Variants in CDCA2 observed in about 807,000 individuals in gnomAD.
CDCA2 encodes the protein cell division cycle associated 2.
Under a neutral mutation model 67.0 loss-of-function variants are expected in CDCA2, and 44 were observed. The observed-to-expected ratio is 0.66, with a 90% CI of 0.52 to 0.84. The LOEUF is 0.84. Among genes scored for constraint, CDCA2 ranks in the 40% least tolerant of loss-of-function variants. The probability of loss-of-function intolerance (pLI) is 0.00; values close to 1 mark genes in which losing one functional copy is unlikely to be tolerated. For missense variants in CDCA2, 1,253 were observed against 1,203.2 expected (o/e 1.04, Z -0.61); for synonymous variants, 447 against 418.7 (o/e 1.07, Z -0.82).
In CDCA2 at chr8:25,497,578, G is replaced by A. The variant is rs553976479; in HGVS notation, c.1672-5795G>A. ...CAGGGGGGCTAGTGGCTTGAGTGGT[G>A]GGGGATGAGGAGATGTTGGTTCAAG... On this transcript the variant is annotated intron_variant, in intron 13 of 14. Transcript: ENST00000330560. Among the ~76,000 whole-genome samples the A allele has an allele frequency of 2.0e-5, 3 of 150,988 alleles. No individual in the cohort carries two copies. In the South Asian group the frequency reaches 6.3e-4, roughly 32 times the overall value.
In CDCA2 at chr8:25,460,702, T is replaced by C. The variant is rs931257612; in HGVS notation, c.232+148T>C. 6.8e-6 allele frequency: 5 copies of C among 740,040 alleles called. No homozygotes were observed. In the African/African-American group the frequency reaches 8.9e-5, roughly 13 times the overall value. The allele number at this position is 740,040 out of a possible 1,614,324, so 45.8% of individuals were successfully genotyped here. A position where few individuals can be genotyped will look rare whatever the true frequency, so the allele number is the denominator to read the frequency against. On this transcript the variant is annotated intron_variant, in intron 3 of 14. Transcript: ENST00000330560. ...ACTTGCTTCTTCAGAGAGACTTCTT[T>C]GCACATGCACAGTTCATTTAGCATA... is the stretch of plus-strand genomic sequence containing the variant.
At chr8:25,470,057 A>T (rs1218827365) in intron 7 of CDCA2, 77 bp downstream of exon 7, 1 of 962,990 alleles carries the variant, frequency 1.0e-6, no homozygotes, top group African/African-American at 1.6e-5. Context: ...ATTTGCTAAA[A>T]TTTGGGGGAA....
At chr8:25,486,592 C>G (rs1803784955) in intron 11 of CDCA2, among the ~76,000 whole-genome samples, 1 of 150,418 alleles carries the variant, frequency 6.6e-6, no homozygotes, top group Non-Finnish European at 1.5e-5. Context: ...CACTTGAGGT[C>G]AGGAGTTCAA....
chr8:25,504,248 A>G (rs960445759), intron 14 of CDCA2, among the ~76,000 whole-genome samples: 1 of 152,028 alleles, frequency 6.6e-6, no homozygotes, highest in Non-Finnish European at 1.5e-5. Flanking sequence ...TCTAATGCCC[A>G]AATTTTAAAT....
intron 13 of CDCA2, among the ~76,000 whole-genome samples, chr8:25,498,162 G>C (rs1586525618): frequency 6.6e-6 from 1 of 152,226 alleles, no homozygotes; most frequent in East Asian, 1.9e-4. Flanking sequence ...GGAGATACTA[G>C]GGAAAATTGC....
chr8:25,486,825 A>G (rs890861097), intron 11 of CDCA2, among the ~76,000 whole-genome samples: 14 of 152,232 alleles, frequency 9.2e-5, no homozygotes, highest in African/African-American at 3.4e-4. Flanking sequence ...AAAAAAAACA[A>G]GTGGTCAAAA....
At chr8:25,500,069 C>T (rs1315223722) in intron 13 of CDCA2, among the ~76,000 whole-genome samples, 1 of 152,086 alleles carries the variant, frequency 6.6e-6, no homozygotes, top group Admixed American at 6.5e-5. Context: ...TCTCTTGGCC[C>T]ATGACCATGA....
intron 8 of CDCA2, among the ~76,000 whole-genome samples, chr8:25,481,961 A>C (rs537946039): frequency 7.7e-4 from 118 of 152,300 alleles, no homozygotes; most frequent in African/African-American, 2.7e-3. Context: ...TAATGTTCTT[A>C]GAATTGGATG....
intron 5 of CDCA2, among the ~76,000 whole-genome samples, chr8:25,466,902 C>T (rs1802921917): frequency 6.6e-6 from 1 of 151,958 alleles, no homozygotes; most frequent in South Asian, 2.1e-4. Flanking sequence ...ATTAGCCAGG[C>T]GTGGTGACAC....
At position 25,463,680 on chromosome 8, in the gene CDCA2, C is replaced by G. The variant is rs563985114; in HGVS notation, c.387+1472C>G. Among the ~76,000 whole-genome samples the G allele has an allele frequency of 3.4e-3, 511 of 152,218 alleles. 2 individuals are homozygous for G. Among genetic ancestry groups the G allele is most frequent in the Non-Finnish European group, 5.5e-3 (374 of 68,020 alleles). On this transcript the variant is annotated intron_variant, in intron 4 of 14. Transcript: ENST00000330560. ...TCCTACGTTCTCCCTAATCCATTGG[C>G]TATCCCACAGAGCAGTCAAGGAGAG...
Position 25,506,777 on chromosome 8 carries a change from C to T in CDCA2, c.2111C>T (p.Pro704Leu). 6.2e-7 allele frequency: 1 copy of T among 1,613,406 alleles called. No homozygotes were observed. The highest frequency in any genetic ancestry group is 1.3e-5 in the African/African-American group (1 of 74,896). Residue 704 changes from proline to leucine, a missense_variant, in exon 15 of 15, where the codon CCA becomes CTA. By Grantham distance (98) the Pro-to-Leu change is moderately conservative. Transcript: ENST00000330560. ...AATAAGTCAGAAAGTGAAAATGAACCAAAAGCTGGAACTGACAGTCCTGTT... is the reference window on the plus strand; with the variant it reads ...AATAAGTCAGAAAGTGAAAATGAACTAAAAGCTGGAACTGACAGTCCTGTT... ...AKNKSESENE[P>L]KAGTDSPVSC... is the part of the protein sequence containing the mutation.
rs1346661232 is a variant in CDCA2, at chr8:25,479,939, G to T, written c.847G>T (p.Gly283Cys). 1 of 1,614,120 alleles carries T rather than the reference G, an allele frequency of 6.2e-7. No homozygotes were observed. The highest frequency in any genetic ancestry group is 1.7e-5 in the Admixed American group (1 of 60,006). The change falls in exon 8 of 15, where the codon GGC (glycine) becomes TGC (cysteine). Residue 283 changes from glycine (G) to cysteine (C), a missense_variant. Transcript: ENST00000330560. ...ACTAAAGGTTGCTGACTGTGTAGTGGGCAAAGGATCAAGTGATGCCGTTTC... is the reference window on the plus strand; with the variant it reads ...ACTAAAGGTTGCTGACTGTGTAGTGTGCAAAGGATCAAGTGATGCCGTTTC... ...NALKVADCVV[G>C]KGSSDAVSPD...
intron 7 of CDCA2, among the ~76,000 whole-genome samples, chr8:25,475,462 T>C (rs1326939836): frequency 3.3e-5 from 5 of 152,178 alleles, no homozygotes; most frequent in Non-Finnish European, 7.3e-5. Flanking sequence ...GAGGTTGCAG[T>C]GAGCCGAGAT....
rs768860785 is a variant in CDCA2, at chr8:25,488,532, A to G, written c.1534-20A>G. 2.0e-5 allele frequency: 32 copies of G among 1,588,724 alleles called. No homozygotes were observed. The Middle Eastern group carries it at 5.0e-4, about 25-fold the overall frequency. On this transcript the variant is annotated intron_variant, in intron 12 of 14. Transcript: ENST00000330560. ...AATTGCTTGTGCTTTACGGTATCCT[A>G]CTTTACACTTTCTTTATAGCAATTG...
At chr8:25,464,074 T>C (rs964776249) in intron 4 of CDCA2, among the ~76,000 whole-genome samples, 3 of 152,218 alleles carry the variant, frequency 2.0e-5, no homozygotes, top group African/African-American at 7.2e-5. Flanking sequence ...ATAGCACCTC[T>C]TTTACCTGTA....
intron 4 of CDCA2, among the ~76,000 whole-genome samples, chr8:25,464,616 T>C (rs183594129): frequency 4.3e-4 from 65 of 152,338 alleles, no homozygotes; most frequent in African/African-American, 1.4e-3. Flanking sequence ...CAATTTTGAC[T>C]AGAGAAACTT....
At chr8:25,462,947 G>C (rs572704363) in intron 4 of CDCA2, among the ~76,000 whole-genome samples, 1 of 152,204 alleles carries the variant, frequency 6.6e-6, no homozygotes, top group Non-Finnish European at 1.5e-5. Flanking sequence ...GGGGTTACAG[G>C]TGTGTGCCAC....
At chr8:25,501,665 C>T (rs1238206791) in intron 13 of CDCA2, among the ~76,000 whole-genome samples, 2 of 152,188 alleles carry the variant, frequency 1.3e-5, no homozygotes, top group African/African-American at 2.4e-5. Context: ...TTACATTTTC[C>T]GTGGAGCCGA....
chr8:25,484,887 A>G (rs1473972986), intron 10 of CDCA2, among the ~76,000 whole-genome samples: 1 of 152,216 alleles, frequency 6.6e-6, no homozygotes, highest in African/African-American at 2.4e-5. Flanking sequence ...TTGTGATTTC[A>G]GCATTAACCT....
Sources: allele counts gnomAD v4.1 joint callset (sites outside exome capture counted in the v4.1 genomes callset), GRCh38; gene constraint gnomAD v4.1.1; transcripts MANE v1.5; gene names NCBI Gene and HGNC (gene_info 2026-07-23, HGNC 2026-07-21).